BMPER: variants seen among roughly 807,000 people sequenced by gnomAD.
BMPER encodes BMP binding endothelial regulator, also known as BMP-binding endothelial regulator protein.
BMPER carries 45 observed loss-of-function variants against 87.3 expected under a neutral mutation model. That is an observed-to-expected ratio of 0.52 (90% confidence interval 0.41 to 0.66). The LOEUF is 0.66. Among genes scored for constraint, BMPER ranks in the 30% least tolerant of loss-of-function variants. The pLI is 0.00. For synonymous variants in BMPER, 326 were observed against 316.2 expected, an observed-to-expected ratio of 1.03 and a Z score of -0.33; for missense variants, 784 against 867.5, an observed-to-expected ratio of 0.90 and a Z score of 1.21.
chr7:34,037,361 C>G (rs1022096111), intron 6 of BMPER, among the ~76,000 whole-genome samples: 1 of 152,138 alleles, frequency 6.6e-6, no homozygotes, highest in Non-Finnish European at 1.5e-5. Context: ...CAGGCTGGAC[C>G]TGCTCACTTG....
At chr7:34,077,367 G>C (rs918427371) in intron 11 of BMPER, among the ~76,000 whole-genome samples, 17 of 152,114 alleles carry the variant, frequency 1.1e-4, no homozygotes, top group Admixed American at 1.0e-3. Flanking sequence ...AAGGAAAAGC[G>C]ACCAAGAAAG....
chr7:34,011,583 C>CAAAAAAAAAAAAAAAAAAAAAAAA (rs36022297), intron 6 of BMPER, among the ~76,000 whole-genome samples: 2 of 45,758 alleles, frequency 4.4e-5, no homozygotes, highest in Admixed American at 2.7e-4. Flanking sequence ...TTGGTCAGGG[C>CAAAAAAAAAAAAAAAAAAAAAAAA]AAAAAAAAAA....
chr7:33,927,824 A>G (rs768342920), intron 2 of BMPER, among the ~76,000 whole-genome samples: 1 of 152,204 alleles, frequency 6.6e-6, no homozygotes, highest in Admixed American at 6.5e-5. Context: ...AATGTGGTTC[A>G]TCATCTTCTA....
chr7:33,954,146 T>A (rs1330660274), intron 3 of BMPER, among the ~76,000 whole-genome samples: 2 of 152,152 alleles, frequency 1.3e-5, no homozygotes, highest in Non-Finnish European at 2.9e-5. Context: ...CTGGAATGAA[T>A]GTTCTCCTGG....
At chr7:34,105,687 A>G (rs1425132689) in intron 13 of BMPER, among the ~76,000 whole-genome samples, 1 of 152,230 alleles carries the variant, frequency 6.6e-6, no homozygotes, top group African/African-American at 2.4e-5. Flanking sequence ...CACAGTTCCA[A>G]TTAAGAAAGG....
chr7:34,054,389 A>G (rs1292127100), intron 8 of BMPER, among the ~76,000 whole-genome samples: 1 of 152,220 alleles, frequency 6.6e-6, no homozygotes, highest in Non-Finnish European at 1.5e-5. Flanking sequence ...AAATCAAGAT[A>G]TGCAGTTTGA....
At position 34,099,609 on chromosome 7, in the gene BMPER, C is replaced by A. The variant is rs894029070; in HGVS notation, c.1745+13517C>A. On this transcript the variant is annotated intron_variant, in intron 13 of 14. Coordinates refer to ENST00000649409, the MANE Select transcript of BMPER (RefSeq NM_001365308.1). ...ATTTCGAAATGGTGGCCATTCTCTA[C>A]TCACATTTTTGTTTCTGGTCCACAG... Among the ~76,000 whole-genome samples the A allele has an allele frequency of 3.3e-5, 5 of 152,302 alleles. No individual in the cohort carries two copies. In the South Asian group the frequency reaches 1.0e-3, roughly 32 times the overall value.
At chr7:33,912,531 A>G (rs1783990797) in intron 2 of BMPER, among the ~76,000 whole-genome samples, 1 of 152,216 alleles carries the variant, frequency 6.6e-6, no homozygotes, top group Non-Finnish European at 1.5e-5. Context: ...ACTAGAATGC[A>G]AATAGGGGGA....
At chr7:34,061,459 T>A (rs1226737754) in intron 10 of BMPER, among the ~76,000 whole-genome samples, 1 of 152,220 alleles carries the variant, frequency 6.6e-6, no homozygotes, top group Non-Finnish European at 1.5e-5. Context: ...ATGGATAACA[T>A]ACCATTTTCT....
At chr7:33,961,693 C>T (rs1785275232) in intron 3 of BMPER, among the ~76,000 whole-genome samples, 1 of 152,140 alleles carries the variant, frequency 6.6e-6, no homozygotes, top group Non-Finnish European at 1.5e-5. Context: ...GTGTCTTTTG[C>T]TTGGGCCCTT....
At chr7:33,977,458 G>A (rs544864055) in intron 6 of BMPER, among the ~76,000 whole-genome samples, 4 of 152,136 alleles carry the variant, frequency 2.6e-5, no homozygotes, top group East Asian at 1.9e-4. Context: ...TGTGAGGTGC[G>A]TGCAGGTGTG....
intron 2 of BMPER, among the ~76,000 whole-genome samples, chr7:33,908,790 G>T (rs1043385491): frequency 1.3e-5 from 2 of 152,138 alleles, no homozygotes; most frequent in African/African-American, 2.4e-5. Context: ...TGGCTGAAAG[G>T]CTCAGTGATA....
At chr7:33,937,536 G>GTGTGTGTGTGTGTT (rs1784636713) in intron 3 of BMPER, 148 bp downstream of exon 3, 2 of 681,814 alleles carry the variant, frequency 2.9e-6, no homozygotes, top group South Asian at 3.7e-5. Flanking sequence ...GTGTGTGTGT[G>GTGTGTGTGTGTGTT]TATGTGTGTG....
chr7:34,057,033 G>A (rs765095855), intron 9 of BMPER, among the ~76,000 whole-genome samples: 4 of 152,186 alleles, frequency 2.6e-5, no homozygotes, highest in Non-Finnish European at 4.4e-5. Context: ...GAACAGTCAG[G>A]TGTCCTTTAA....
At chr7:34,087,951 C>T (rs981782567) in intron 13 of BMPER, among the ~76,000 whole-genome samples, 16 of 152,150 alleles carry the variant, frequency 1.1e-4, no homozygotes, top group African/African-American at 1.4e-4. Flanking sequence ...ATATGATGAG[C>T]GCTTCAACAG....
At chr7:33,962,399 AG>A (rs1785294695) in intron 3 of BMPER, among the ~76,000 whole-genome samples, 1 of 152,206 alleles carries the variant, frequency 6.6e-6, no homozygotes, top group African/African-American at 2.4e-5. Context: ...GATGTAAGGA[AG>A]AACCATATTG....
chr7:34,130,449 G>C (rs2127991504), intron 13 of BMPER, among the ~76,000 whole-genome samples: 1 of 152,278 alleles, frequency 6.6e-6, no homozygotes, highest in East Asian at 1.9e-4. Context: ...TAAATCCATG[G>C]AATGCCTATT....
intron 2 of BMPER, among the ~76,000 whole-genome samples, chr7:33,923,636 C>A (rs1225744446): frequency 6.6e-6 from 1 of 152,118 alleles, no homozygotes; most frequent in African/African-American, 2.4e-5. Context: ...GGCACAGTGG[C>A]AGGTGCTGAT....
chr7:33,917,147 G>A (rs1406301685), intron 2 of BMPER, among the ~76,000 whole-genome samples: 1 of 152,136 alleles, frequency 6.6e-6, no homozygotes, highest in Non-Finnish European at 1.5e-5. Context: ...AGGTTCTGGG[G>A]CGATCTGACT....
Sources: allele counts gnomAD v4.1 joint callset (sites outside exome capture counted in the v4.1 genomes callset), GRCh38; gene constraint gnomAD v4.1.1; transcripts MANE v1.5; gene names NCBI Gene and HGNC (gene_info 2026-07-23, HGNC 2026-07-21).